YEATS2: variants seen among roughly 807,000 people sequenced by gnomAD.
The protein encoded by YEATS2 is YEATS domain containing 2, also known as YEATS domain-containing protein 2.
YEATS2 carries 77 observed loss-of-function variants against 163.2 expected under a neutral mutation model. The ratio of observed to expected loss-of-function variants is 0.47; its 90% CI spans 0.39 to 0.57. The LOEUF is 0.57. YEATS2 is among the 20% of genes least tolerant of loss of function. The pLI is 0.00. For synonymous variants in YEATS2, 631 were observed against 645.1 expected (o/e 0.98, Z 0.33); for missense variants, 1,549 against 1,729.8 (o/e 0.90, Z 1.85).
chr3:183,806,124 G>A (rs1397636948), intron 27 of YEATS2: 1 of 364,348 alleles, frequency 2.7e-6, no homozygotes, highest in African/African-American at 2.1e-5. Flanking sequence ...CACATACCTT[G>A]ACTTACGATG....
intron 23 of YEATS2, among the ~76,000 whole-genome samples, chr3:183,800,182 A>T (rs1054784614): frequency 3.3e-5 from 5 of 152,290 alleles, no homozygotes; most frequent in East Asian, 1.9e-4. Flanking sequence ...GAGGAATCTT[A>T]CATAGCAGTG....
At chr3:183,785,359 G>A (rs1437023631) in intron 19 of YEATS2, among the ~76,000 whole-genome samples, 3 of 150,488 alleles carry the variant, frequency 2.0e-5, no homozygotes, top group East Asian at 2.1e-4. Flanking sequence ...GTGGTGGCAC[G>A]TGCCTGTAAG....
intron 8 of YEATS2, among the ~76,000 whole-genome samples, chr3:183,745,420 G>T (rs965796810): frequency 6.6e-6 from 1 of 152,086 alleles, no homozygotes; most frequent in African/African-American, 2.4e-5. Context: ...CTCTAGCCAT[G>T]GCAGTCTATT....
intron 8 of YEATS2, among the ~76,000 whole-genome samples, chr3:183,743,734 A>G (rs1719217708): frequency 6.6e-6 from 1 of 152,130 alleles, no homozygotes; most frequent in Non-Finnish European, 1.5e-5. Flanking sequence ...CATTTTCTCT[A>G]CATGTGACAT....
intron 15 of YEATS2, among the ~76,000 whole-genome samples, chr3:183,765,443 G>A (rs575967826): frequency 1.5e-3 from 221 of 152,256 alleles, no homozygotes; most frequent in African/African-American, 5.0e-3. Context: ...GAGATAGGTG[G>A]GTCTGTGCCA....
rs1726870965 is a variant in YEATS2 at position 183,812,246 on chromosome 3, G to A, written c.*1663G>A. On this transcript the variant is annotated 3_prime_UTR_variant, in exon 31 of 31. Transcript: ENST00000305135. ...GGAGACCCCGTCTCAAAAATTGATT[G>A]ATCAATTCAGCATCTGAGGGCTGCA... The A allele has an allele frequency of 1.3e-5, 2 of 152,292 alleles. No individual in the cohort carries two copies. The highest frequency in any genetic ancestry group is 4.2e-4 in the South Asian group (2 of 4,818). The allele number at this position is 152,292 out of a possible 1,614,324, so 9.4% of individuals were successfully genotyped here.
intron 11 of YEATS2, among the ~76,000 whole-genome samples, chr3:183,756,082 A>G (rs944221848): frequency 2.6e-5 from 4 of 152,128 alleles, no homozygotes; most frequent in African/African-American, 4.8e-5. Flanking sequence ...GTCTTCGAGT[A>G]TAACCAGTAC....
chr3:183,781,902 T>TA (rs138662908), intron 19 of YEATS2, among the ~76,000 whole-genome samples: 1,939 of 147,794 alleles, frequency 0.013, 42 homozygotes, highest in African/African-American at 0.043. Flanking sequence ...CACCCTGTCT[T>TA]AAAAAAAAAA....
Position 183,776,054 on chromosome 3 carries a change from T to C in YEATS2, c.2508T>C (p.Ser836=). The change falls in exon 18 of 31, where the codon AGT becomes AGC. Residue 836 remains serine (S), a synonymous_variant. Coordinates refer to ENST00000305135, the MANE Select transcript of YEATS2 (RefSeq NM_018023.5). The part of the protein sequence containing the change: ...GGGTAGGGTQ[S]TAGPGGISQH... ...GAACAGCAGGAGGAGGAACTCAAAGTACTGCTGGCCCTGGAGGGATATCTC... is the reference window on the plus strand; with the variant it reads ...GAACAGCAGGAGGAGGAACTCAAAGCACTGCTGGCCCTGGAGGGATATCTC... The C allele has an allele frequency of 6.2e-7, 1 of 1,613,280 alleles. No individual in the cohort carries two copies. The highest frequency in any genetic ancestry group is 1.1e-5 in the South Asian group (1 of 90,880).
At chr3:183,791,668 C>G (rs1486745307) in intron 21 of YEATS2, among the ~76,000 whole-genome samples, 1 of 151,996 alleles carries the variant, frequency 6.6e-6, no homozygotes, top group Non-Finnish European at 1.5e-5. Context: ...AAAATGTATA[C>G]CTTTCTTTGC....
At chr3:183,741,099 C>G (rs192247373) in intron 8 of YEATS2, among the ~76,000 whole-genome samples, 1 of 151,724 alleles carries the variant, frequency 6.6e-6, no homozygotes, top group Non-Finnish European at 1.5e-5. Context: ...CCACCACGCG[C>G]GGATAATTTT....
chr3:183,714,486 G>A (rs1010892174), intron 1 of YEATS2, among the ~76,000 whole-genome samples: 5 of 151,800 alleles, frequency 3.3e-5, no homozygotes, highest in African/African-American at 1.2e-4. Context: ...GTGAGCCACC[G>A]TGCCCGGCCG....
chr3:183,806,173 C>G, intron 27 of YEATS2: 1 of 396,504 alleles, frequency 2.5e-6, no homozygotes, highest in Non-Finnish European at 4.9e-6. Flanking sequence ...TGAAAATATC[C>G]TAAGTCAAAA....
At chr3:183,733,485 A>G (rs1577077282) in intron 7 of YEATS2, among the ~76,000 whole-genome samples, 1 of 152,250 alleles carries the variant, frequency 6.6e-6, no homozygotes, top group Non-Finnish European at 1.5e-5. Flanking sequence ...AACTGAACCT[A>G]AAACTCCAGG....
Position 183,728,754 on chromosome 3 carries a change from C to T in YEATS2, c.715C>T (p.Arg239Ter), listed in dbSNP as rs991041367. The T allele has an allele frequency of 1.2e-6, 2 of 1,613,930 alleles. No homozygotes were observed. Among genetic ancestry groups the T allele is most frequent in the Non-Finnish European group, 1.7e-6 (2 of 1,179,948 alleles). Residue 239 changes from arginine to a stop codon, truncating the protein, a stop_gained, in exon 7 of 31, where the codon CGA becomes TGA. Coordinates refer to ENST00000305135, the MANE Select transcript of YEATS2 (RefSeq NM_018023.5). LOFTEE classifies it high-confidence loss of function. Reference sequence around the variant, plus strand: ...AACTCATAAGTGGATGGTATATGTCCGAGGGTCCCGTAGAGAACCCAGCAT... The same window carrying T: ...AACTCATAAGTGGATGGTATATGTCTGAGGGTCCCGTAGAGAACCCAGCAT... ...QSTHKWMVYV[R>*]GSRREPSINH...
rs1385291922 is a variant in YEATS2 at position 183,752,188 on chromosome 3, C to G, written c.1085C>G (p.Pro362Arg). The change falls in exon 10 of 31, where the codon CCA becomes CGA. Residue 362 changes from proline to arginine, a missense_variant. Pro to Arg is a moderately radical substitution (Grantham distance 103, BLOSUM62 -2). Transcript: ENST00000305135. ...TCTTTGCCTTTGACCATTCCAGCCC[C>G]AGTGAAAGCTTCTTCACCAATAAAG... ...PPSLPLTIPA[P>R]VKASSPIKQS... 3 of 1,614,142 alleles carry G rather than the reference C, an allele frequency of 1.9e-6. No homozygotes were observed. The highest frequency in any genetic ancestry group is 3.3e-4 in the Middle Eastern group (2 of 6,062).
At chr3:183,710,025 T>C (rs1715032520) in intron 1 of YEATS2, among the ~76,000 whole-genome samples, 1 of 152,188 alleles carries the variant, frequency 6.6e-6, no homozygotes, top group Non-Finnish European at 1.5e-5. Context: ...AGTAGTCTTA[T>C]TTTAGTCGCA....
intron 15 of YEATS2, among the ~76,000 whole-genome samples, chr3:183,768,948 G>A (rs1262626198): frequency 6.6e-6 from 1 of 152,158 alleles, no homozygotes; most frequent in Non-Finnish European, 1.5e-5. Flanking sequence ...CTCCAGCCTG[G>A]GCAACAAGAG....
intron 20 of YEATS2, among the ~76,000 whole-genome samples, chr3:183,787,876 G>C (rs540026571): frequency 2.0e-5 from 3 of 151,834 alleles, no homozygotes; most frequent in African/African-American, 7.3e-5. Flanking sequence ...GGTGACGGGC[G>C]CCTGTAGTCC....
Sources: gnomAD v4.1 joint callset for allele counts (sites outside exome capture counted in the v4.1 genomes callset) on GRCh38, gnomAD v4.1.1 for gene constraint, MANE v1.5 for transcripts, NCBI Gene and HGNC (gene_info 2026-07-23, HGNC 2026-07-21) for gene names.